Variants in FGF13 observed in about 807,000 individuals in gnomAD.
The protein encoded by FGF13 is fibroblast growth factor 13.
In FGF13, 2 loss-of-function variants were observed where a neutral mutation model predicts 19.5. That is an observed-to-expected ratio of 0.10 (90% confidence interval 0.04 to 0.32). The LOEUF (loss-of-function observed/expected upper bound fraction) is 0.32. Among genes scored for constraint, FGF13 ranks in the 10% least tolerant of loss-of-function variants. The pLI, the probability that FGF13 is intolerant of heterozygous loss-of-function variation, is 1.00. For synonymous variants in FGF13, 72 were observed against 76.9 expected, an observed-to-expected ratio of 0.94 and a Z score of 0.33; for missense variants, 113 against 192.7, an observed-to-expected ratio of 0.59 and a Z score of 2.45.
chrX:138,738,110 A>T (rs1177649710), intron 1 of FGF13, among the ~76,000 whole-genome samples: 1 of 111,927 alleles, frequency 8.9e-6, no homozygotes, highest in Non-Finnish European at 1.9e-5. Context: ...GCTCTAGGAG[A>T]ACTCCAAATA....
chrX:138,790,135 A>G (rs962320950), intron 3 of FGF13, among the ~76,000 whole-genome samples: 1 of 102,704 alleles, frequency 9.7e-6, no homozygotes, highest in Non-Finnish European at 2.0e-5. Flanking sequence ...TATTTTTCAC[A>G]GTCTTGGAGG....
At chrX:138,781,858 A>C (rs2090646298) in intron 3 of FGF13, among the ~76,000 whole-genome samples, 2 of 112,062 alleles carry the variant, frequency 1.8e-5, no homozygotes, top group Non-Finnish European at 3.8e-5. Context: ...ACAACGAAAA[A>C]AGAGAATTTT....
chrX:138,661,354 C>T (rs1311441217), intron 3 of FGF13, among the ~76,000 whole-genome samples: 1 of 112,135 alleles, frequency 8.9e-6, no homozygotes, highest in Non-Finnish European at 1.9e-5. Flanking sequence ...GTGCCTCTTA[C>T]ATAAATCAAA....
At chrX:139,031,351 T>C in intron 1 of FGF13, among the ~76,000 whole-genome samples, 1 of 111,390 alleles carries the variant, frequency 9.0e-6, no homozygotes, top group Non-Finnish European at 1.9e-5. Context: ...CTCAGCATTA[T>C]AAGGGACCCA....
At chrX:139,075,479 G>A (rs2083326394) in intron 1 of FGF13, among the ~76,000 whole-genome samples, 1 of 112,127 alleles carries the variant, frequency 8.9e-6, no homozygotes, top group African/African-American at 3.2e-5. Flanking sequence ...AAGAATGGCT[G>A]TCTCCATATA....
chrX:138,846,379 T>C (rs956376896), intron 3 of FGF13, among the ~76,000 whole-genome samples: 2 of 111,362 alleles, frequency 1.8e-5, no homozygotes, highest in African/African-American at 6.5e-5. Context: ...TCCTGCCCCA[T>C]TGAAGTCCTC....
chrX:138,704,826 A>T (rs1282705698), intron 2 of FGF13, among the ~76,000 whole-genome samples: 1 of 112,417 alleles, frequency 8.9e-6, no homozygotes, highest in African/African-American at 3.2e-5. Flanking sequence ...CACAGATTGC[A>T]AGCCAAGATC....
intron 1 of FGF13, among the ~76,000 whole-genome samples, chrX:139,076,134 C>T (rs1230243807): frequency 9.0e-6 from 1 of 111,451 alleles, no homozygotes; most frequent in Non-Finnish European, 1.9e-5. Flanking sequence ...CATTTAGAGC[C>T]TCCATGCATG....
chrX:139,092,974 C>A (rs192721211), intron 1 of FGF13, among the ~76,000 whole-genome samples: 20 of 111,749 alleles, frequency 1.8e-4, no homozygotes, highest in African/African-American at 6.2e-4. Context: ...CTTACTACAA[C>A]AAAGTCTGTT....
At chrX:138,860,489 C>A (rs1187037569) in intron 2 of FGF13, among the ~76,000 whole-genome samples, 1 of 111,599 alleles carries the variant, frequency 9.0e-6, no homozygotes, top group South Asian at 3.8e-4. Flanking sequence ...ATGTTTTCTG[C>A]CATTTTACCC....
At chrX:138,679,443 T>C (rs767651525) in intron 3 of FGF13, among the ~76,000 whole-genome samples, 98 of 110,621 alleles carry the variant, frequency 8.9e-4, no homozygotes, top group Admixed American at 3.0e-3. Flanking sequence ...AGCTTGGGAG[T>C]GATAGAATAT....
intron 1 of FGF13, among the ~76,000 whole-genome samples, chrX:138,944,506 A>C (rs1038562415): frequency 1.0e-4 from 3 of 30,045 alleles, no homozygotes; most frequent in Non-Finnish European, 1.9e-4. Flanking sequence ...TGAGCAAAAA[A>C]AAAGAAAAAA....
intron 1 of FGF13, among the ~76,000 whole-genome samples, chrX:139,171,266 A>G (rs1396411453): frequency 8.9e-6 from 1 of 112,244 alleles, no homozygotes; most frequent in Non-Finnish European, 1.9e-5. Flanking sequence ...TTTTAAAAGA[A>G]GAATCCGTAT....
At chrX:139,191,660 C>T (rs910395544) in intron 1 of FGF13, among the ~76,000 whole-genome samples, 6 of 111,519 alleles carry the variant, frequency 5.4e-5, no homozygotes, top group Non-Finnish European at 1.1e-4. Context: ...GGTGGGGGTG[C>T]ACCTAGGCCC....
chrX:139,170,836 C>T (rs1487679952), intron 1 of FGF13, among the ~76,000 whole-genome samples: 6 of 111,959 alleles, frequency 5.4e-5, no homozygotes, highest in African/African-American at 1.9e-4. Context: ...AAGGCTGTCC[C>T]TACCAATCTA....
chrX:138,930,643 C>T (rs966595569), intron 1 of FGF13, among the ~76,000 whole-genome samples: 5 of 112,225 alleles, frequency 4.5e-5, no homozygotes, highest in Middle Eastern at 4.7e-3. Context: ...TAAAACTCTA[C>T]CCGTTTTCAC....
Position 138,623,125 on chromosome X carries a change from A to T in FGF13, c.*9725T>A, listed in dbSNP as rs1335982359. ...GTTGATTTTTTTATCAACATTGGTG[A>T]ATTCTACCCAAGTGAAATTGGTGAA... is the stretch of plus-strand genomic sequence containing the variant. On this transcript the variant is annotated 3_prime_UTR_variant, in exon 5 of 5. Transcript: ENST00000315930. 1 of 111,219 alleles carries T rather than the reference A, an allele frequency of 9.0e-6. No homozygotes were observed. Among genetic ancestry groups the T allele is most frequent in the Non-Finnish European group, 1.9e-5 (1 of 53,045 alleles). The allele number at this position is 111,219 out of a possible 1,213,427, so 9.2% of individuals were successfully genotyped here.
At chrX:138,669,609 T>C (rs1424308149) in intron 3 of FGF13, among the ~76,000 whole-genome samples, 3 of 111,294 alleles carry the variant, frequency 2.7e-5, no homozygotes, top group Non-Finnish European at 5.7e-5. Flanking sequence ...TACATGTCAG[T>C]TGATAAGAGT....
chrX:139,160,722 A>G (rs1432957453), intron 1 of FGF13, among the ~76,000 whole-genome samples: 1 of 112,286 alleles, frequency 8.9e-6, no homozygotes, highest in Non-Finnish European at 1.9e-5. Flanking sequence ...AAACACCTCT[A>G]TGCAAATAAA....
Sources: gnomAD v4.1 joint callset for allele counts (sites outside exome capture counted in the v4.1 genomes callset) on GRCh38, gnomAD v4.1.1 for gene constraint, MANE v1.5 for transcripts, NCBI Gene and HGNC (gene_info 2026-07-23, HGNC 2026-07-21) for gene names.